Variants in SPNS2 observed in about 807,000 individuals in gnomAD.
SPNS2 encodes the protein SPNS lysolipid transporter 2, sphingosine-1-phosphate.
In SPNS2, 37 loss-of-function variants were observed where a neutral mutation model predicts 57.6. The observed-to-expected ratio is 0.64, with a 90% CI of 0.49 to 0.85. The LOEUF is 0.85. Among genes scored for constraint, SPNS2 ranks in the 40% least tolerant of loss-of-function variants. The pLI is 0.00. For missense variants in SPNS2, 831 were observed against 779.1 expected, an observed-to-expected ratio of 1.07 and a Z score of -0.79; for synonymous variants, 440 against 346.9, an observed-to-expected ratio of 1.27 and a Z score of -2.98.
chr17:4,503,564 G>A (rs1904590416), intron 1 of SPNS2, among the ~76,000 whole-genome samples: 2 of 152,258 alleles, frequency 1.3e-5, no homozygotes, highest in South Asian at 4.1e-4. Flanking sequence ...GTAGGTGGCA[G>A]CATTTTGCTC....
chr17:4,536,605 G>A, intron 11 of SPNS2, 179 bp downstream of exon 11: 1 of 786,208 alleles, frequency 1.3e-6, no homozygotes, highest in South Asian at 1.8e-5. Context: ...CTGGAGCTGT[G>A]GGAGGCCACG....
At position 4,537,542 on chromosome 17, in the gene SPNS2, TTC is replaced by T. The variant is rs1251952688; in HGVS notation, c.*96_*97del. 11 of 456,714 alleles carry T rather than the reference TTC, an allele frequency of 2.4e-5. No homozygotes were observed. The highest frequency in any genetic ancestry group is 8.8e-6 in the Non-Finnish European group (2 of 226,956). 28.3% of individuals were successfully genotyped at this position (456,714 alleles called of 1,614,324 possible). A position where few individuals can be genotyped will look rare whatever the true frequency, so the allele number is the denominator to read the frequency against. On this transcript the variant is annotated 3_prime_UTR_variant, in exon 13 of 13. Coordinates refer to ENST00000329078, the MANE Select transcript of SPNS2 (RefSeq NM_001124758.3). The stretch of plus-strand genomic sequence containing the variant: ...GGACCGGCTGGGCTGCCCCAAAGCT[TTC>T]TGTGTGATCCACGGCTAGGCACCCA...
chr17:4,533,902 TG>T, intron 9 of SPNS2, 49 bp downstream of exon 9: 7 of 1,493,546 alleles, frequency 4.7e-6, no homozygotes, highest in Non-Finnish European at 4.6e-6. Context: ...CCAGGCCTCT[TG>T]ACCTCACAGG....
intron 5 of SPNS2, among the ~76,000 whole-genome samples, chr17:4,531,575 G>A (rs1905475628): frequency 6.6e-6 from 1 of 152,152 alleles, no homozygotes; most frequent in African/African-American, 2.4e-5. Context: ...CCAGGACAGC[G>A]CAATCGGAGG....
At chr17:4,500,677 G>C (rs953691959) in intron 1 of SPNS2, among the ~76,000 whole-genome samples, 4 of 150,950 alleles carry the variant, frequency 2.6e-5, no homozygotes, top group Non-Finnish European at 4.4e-5. Context: ...TGAGGGAAGA[G>C]AGCCCGGGCA....
Position 4,536,886 on chromosome 17 carries a change from C to A in SPNS2, c.1608-14C>A. 6.2e-7 allele frequency: 1 copy of A among 1,613,004 alleles called. No homozygotes were observed. Among genetic ancestry groups the A allele is most frequent in the Non-Finnish European group, 8.5e-7 (1 of 1,179,690 alleles). On this transcript the variant is annotated splice_polypyrimidine_tract_variant and intron_variant, in intron 11 of 12. Transcript: ENST00000329078. ...CTGATGCACCACCCTGACCCCCGCC[C>A]GTCTCTCCCCCAGGGTGAACCAGCT...
rs1567600421 is a variant in SPNS2, at chr17:4,538,985, G to A, written c.*1537G>A. 1 of 801,578 alleles carries A rather than the reference G, an allele frequency of 1.2e-6. No individual in the cohort carries two copies. Among genetic ancestry groups the A allele is most frequent in the African/African-American group, 1.7e-5 (1 of 59,464 alleles). The allele number at this position is 801,578 out of a possible 1,614,324, so 49.7% of individuals were successfully genotyped here. On this transcript the variant is annotated 3_prime_UTR_variant, in exon 13 of 13. Coordinates refer to ENST00000329078, the MANE Select transcript of SPNS2 (RefSeq NM_001124758.3). ...TTGTGAATCTCAGAGTCTTAAGAGA[G>A]AAGCCAAATATATTCCTCTTGTAAA...
chr17:4,505,278 A>G (rs9903553), intron 1 of SPNS2, among the ~76,000 whole-genome samples: 1 of 152,164 alleles, frequency 6.6e-6, no homozygotes, highest in Non-Finnish European at 1.5e-5. Context: ...ACTTGGGTTG[A>G]CTCATACCTG....
chr17:4,535,313 G>C (rs974112457), intron 9 of SPNS2, among the ~76,000 whole-genome samples: 8 of 152,212 alleles, frequency 5.3e-5, no homozygotes, highest in African/African-American at 1.9e-4. Flanking sequence ...GCGAGCGGAG[G>C]CTCTTGCAGG....
intron 11 of SPNS2, 30 bp from the exon 12 acceptor site, chr17:4,536,870 C>T (rs781269648): frequency 1.2e-6 from 2 of 1,610,128 alleles, no homozygotes; most frequent in African/African-American, 1.3e-5. Context: ...GCTGATGCAC[C>T]ACCCTGACCC....
chr17:4,514,323 C>A (rs1359900464), intron 2 of SPNS2, among the ~76,000 whole-genome samples: 1 of 152,178 alleles, frequency 6.6e-6, no homozygotes, highest in Non-Finnish European at 1.5e-5. Context: ...GGTCTGCATT[C>A]CAGTCCAGTC....
intron 5 of SPNS2, 127 bp from the exon 6 acceptor site, chr17:4,532,415 G>T: frequency 7.2e-7 from 1 of 1,393,268 alleles, no homozygotes; most frequent in Non-Finnish European, 9.9e-7. Context: ...TAGGAAGGCT[G>T]GGCAGATACC....
chr17:4,535,802 A>T (rs1467652064), intron 9 of SPNS2, among the ~76,000 whole-genome samples: 2 of 151,022 alleles, frequency 1.3e-5, no homozygotes, highest in African/African-American at 4.9e-5. Flanking sequence ...GAGGTGTGGA[A>T]GCCCCTGGGG....
Position 4,533,071 on chromosome 17 carries a change from C to T in SPNS2, c.1030C>T (p.Gln344Ter), listed in dbSNP as rs1263055565. The T allele has an allele frequency of 1.2e-6, 2 of 1,613,334 alleles. No individual in the cohort carries two copies. Among genetic ancestry groups the T allele is most frequent in the Non-Finnish European group, 8.5e-7 (1 of 1,179,950 alleles). ...MWIPLYLHRA[Q>*]VVQKTAETCN... ...GATCCCGCTCTACCTGCACCGCGCC[C>T]AAGTTGTGCAGAAGACAGCAGAGAC... Residue 344 changes from glutamine to a stop codon, truncating the protein, a stop_gained, in exon 7 of 13, where the codon CAA becomes TAA. Coordinates refer to ENST00000329078, the MANE Select transcript of SPNS2 (RefSeq NM_001124758.3). LOFTEE classifies it high-confidence loss of function.
At chr17:4,521,075 C>T (rs1256275885) in intron 2 of SPNS2, among the ~76,000 whole-genome samples, 2 of 152,164 alleles carry the variant, frequency 1.3e-5, no homozygotes, top group Non-Finnish European at 2.9e-5. Flanking sequence ...TTGTCACCAC[C>T]GCCTCCGGGA....
intron 2 of SPNS2, among the ~76,000 whole-genome samples, chr17:4,518,667 G>A (rs1386242777): frequency 6.6e-6 from 1 of 152,242 alleles, no homozygotes; most frequent in Non-Finnish European, 1.5e-5. Context: ...GCCAGGATGG[G>A]GATGGGGGAA....
intron 1 of SPNS2, among the ~76,000 whole-genome samples, chr17:4,500,372 T>A (rs1904443300): frequency 6.6e-6 from 1 of 152,112 alleles, no homozygotes; most frequent in Non-Finnish European, 1.5e-5. Flanking sequence ...GCTGGCTCCC[T>A]TCCCCAGCAA....
intron 3 of SPNS2, among the ~76,000 whole-genome samples, chr17:4,526,018 T>C (rs1024986781): frequency 1.3e-5 from 2 of 152,182 alleles, no homozygotes; most frequent in African/African-American, 4.8e-5. Flanking sequence ...GCATGATCTG[T>C]CTTCAAGGAG....
Position 4,532,425 on chromosome 17 carries a change from C to G in SPNS2, c.793-117C>G, listed in dbSNP as rs544942217. 59 of 1,471,742 alleles carry G rather than the reference C, an allele frequency of 4.0e-5. No homozygotes were observed. In the East Asian group the frequency reaches 1.4e-3, roughly 35 times the overall value. The allele number at this position is 1,471,742 out of a possible 1,614,324, so 91.2% of individuals were successfully genotyped here. A position where few individuals can be genotyped will look rare whatever the true frequency, so the allele number is the denominator to read the frequency against. The stretch of plus-strand genomic sequence containing the variant: ...CCAATTAGGAAGGCTGGGCAGATAC[C>G]TGCTCAGAGGAGAAGCCTATGGCCC... On this transcript the variant is annotated intron_variant, in intron 5 of 12. Transcript: ENST00000329078.
Sources: allele counts gnomAD v4.1 joint callset (sites outside exome capture counted in the v4.1 genomes callset), GRCh38; gene constraint gnomAD v4.1.1; transcripts MANE v1.5; gene names NCBI Gene and HGNC (gene_info 2026-07-23, HGNC 2026-07-21).